VSTM2B: variants seen among roughly 807,000 people sequenced by gnomAD.
VSTM2B encodes V-set and transmembrane domain containing 2B.
VSTM2B carries 24 observed loss-of-function variants against 24.0 expected under a neutral mutation model. The ratio of observed to expected loss-of-function variants is 1.00; its 90% CI spans 0.72 to 1.40. The LOEUF (loss-of-function observed/expected upper bound fraction) is 1.40. Ranked by LOEUF, VSTM2B falls within the 40% of genes most tolerant of loss-of-function variation. The pLI is 0.00. For synonymous variants in VSTM2B, 226 were observed against 194.4 expected (o/e 1.16, Z -1.35); for missense variants, 399 against 416.4 (o/e 0.96, Z 0.36).
chr19:29,547,660 C>T (rs1273590513), intron 4 of VSTM2B, among the ~76,000 whole-genome samples: 10 of 152,052 alleles, frequency 6.6e-5, no homozygotes, highest in Non-Finnish European at 1.3e-4. Flanking sequence ...GAGGAAGGCA[C>T]TTAGGGGGTA....
chr19:29,527,058 G>C (rs1009127182), intron 1 of VSTM2B, 153 bp from the exon 2 acceptor site: 13 of 675,216 alleles, frequency 1.9e-5, no homozygotes, highest in Non-Finnish European at 2.9e-5. Context: ...CCGCTTCCCC[G>C]AACTTTGCTA....
chr19:29,535,273 G>C (rs1216580191), intron 4 of VSTM2B, among the ~76,000 whole-genome samples: 3 of 152,186 alleles, frequency 2.0e-5, no homozygotes, highest in Non-Finnish European at 2.9e-5. Context: ...GTATCTTCCA[G>C]ACTAACACTT....
chr19:29,534,642 G>T (rs1356435783), intron 4 of VSTM2B, among the ~76,000 whole-genome samples: 1 of 151,952 alleles, frequency 6.6e-6, no homozygotes, highest in Non-Finnish European at 1.5e-5. Flanking sequence ...CTTGAACCTG[G>T]GAGGCGGAGT....
Position 29,547,865 on chromosome 19 carries a change from G to T in VSTM2B, c.770-15981G>T, listed in dbSNP as rs192416159. On this transcript the variant is annotated intron_variant, in intron 4 of 4. Coordinates refer to ENST00000335523, the MANE Select transcript of VSTM2B (RefSeq NM_001146339.2). ...TAGGGAACCAGAGCACATGGCTGCA[G>T]CAGGGGAATGGTCAGATTGAAGTGG... Among the ~76,000 whole-genome samples the T allele has an allele frequency of 6.1e-3, 925 of 152,228 alleles. 8 individuals are homozygous for T. Among genetic ancestry groups the T allele is most frequent in the African/African-American group, 0.021 (875 of 41,534 alleles).
chr19:29,559,314 A>G (rs1445441809), intron 4 of VSTM2B, among the ~76,000 whole-genome samples: 1 of 152,248 alleles, frequency 6.6e-6, no homozygotes, highest in Non-Finnish European at 1.5e-5. Flanking sequence ...CTTTGCAGGG[A>G]CATGAATGAA....
chr19:29,526,616 A>T lies in VSTM2B; in HGVS notation c.33A>T (p.Gly11=), dbSNP rs1389638539. Residue 11 remains glycine (G), a synonymous_variant, in exon 1 of 5, where the codon GGA becomes GGT. Transcript: ENST00000335523. This position sits in a 1 kb window ranked among gnomAD's most constrained non-coding sequence, Gnocchi z 4.1. Reference sequence around the variant, plus strand: ...AGCGGAACCGGCTCGGTGCCCTCGGATACCTGCCGCCTCTGCTGCTGCATG... The same window carrying T: ...AGCGGAACCGGCTCGGTGCCCTCGGTTACCTGCCGCCTCTGCTGCTGCATG... MEQRNRLGAL[G]YLPPLLLHAL... is the part of the protein sequence containing the mutation. The T allele has an allele frequency of 5.9e-6, 9 of 1,529,308 alleles. 1 individual carries two copies. Among genetic ancestry groups the T allele is most frequent in the South Asian group, 1.2e-5 (1 of 82,918 alleles). The allele number at this position is 1,529,308 out of a possible 1,614,324, so 94.7% of individuals were successfully genotyped here.
intron 4 of VSTM2B, 92 bp from the exon 5 acceptor site, chr19:29,563,754 C>A: frequency 1.7e-6 from 2 of 1,184,048 alleles, no homozygotes; most frequent in Non-Finnish European, 2.4e-6. Context: ...GTGGCCCCAG[C>A]CTGGGGAAGC....
chr19:29,526,930 C>T lies in VSTM2B; in HGVS notation c.82+265C>T. 1 of 475,210 alleles carries T rather than the reference C, an allele frequency of 2.1e-6. No individual in the cohort carries two copies. Among genetic ancestry groups the T allele is most frequent in the Non-Finnish European group, 3.7e-6 (1 of 273,380 alleles). The allele number at this position is 475,210 out of a possible 1,614,324, so 29.4% of individuals were successfully genotyped here. The stretch of plus-strand genomic sequence containing the variant: ...GGGAGCGGGAGTAGGCGCGCCCCAG[C>T]CAGGCTCTGGCGGTGCGGCCAGGGG... On this transcript the variant is annotated intron_variant, in intron 1 of 4. Transcript: ENST00000335523. This position sits in a 1 kb window ranked among gnomAD's most constrained non-coding sequence, Gnocchi z 4.1.
intron 3 of VSTM2B, chr19:29,528,861 C>T (rs1218630064): frequency 2.1e-6 from 2 of 963,292 alleles, no homozygotes; most frequent in Non-Finnish European, 1.2e-6. Context: ...CTCTGCCCCG[C>T]CCTGAGCATC....
chr19:29,553,131 G>GCAGTAC (rs143529810), intron 4 of VSTM2B, among the ~76,000 whole-genome samples: 13,288 of 152,132 alleles, frequency 0.087, 1,202 homozygotes, highest in African/African-American at 0.23. Context: ...GTTTCATTAA[G>GCAGTAC]CAGATCCCAT....
At chr19:29,555,723 G>A (rs11084012) in intron 4 of VSTM2B, among the ~76,000 whole-genome samples, 6,615 of 152,060 alleles carry the variant, frequency 0.044, 172 homozygotes, top group African/African-American at 0.074. Context: ...TGATAAAGGA[G>A]ATATCACTAC....
intron 4 of VSTM2B, among the ~76,000 whole-genome samples, chr19:29,549,793 T>C (rs370371075): frequency 1.4e-4 from 21 of 152,102 alleles, no homozygotes; most frequent in African/African-American, 4.8e-4. Context: ...AGAAATTCCT[T>C]GTACACTGGC....
At chr19:29,530,411 C>G (rs1969722953) in intron 4 of VSTM2B, 121 bp downstream of exon 4, 1 of 865,892 alleles carries the variant, frequency 1.2e-6, no homozygotes, top group African/African-American at 1.8e-5. Context: ...CATATGCATA[C>G]TCCTTCCTAG....
At chr19:29,556,166 A>G (rs918542938) in intron 4 of VSTM2B, among the ~76,000 whole-genome samples, 1 of 152,168 alleles carries the variant, frequency 6.6e-6, no homozygotes, top group African/African-American at 2.4e-5. Flanking sequence ...AAAATACTCA[A>G]TAAAATACTG....
At chr19:29,557,460 G>A (rs1348294548) in intron 4 of VSTM2B, among the ~76,000 whole-genome samples, 1 of 152,214 alleles carries the variant, frequency 6.6e-6, no homozygotes, top group African/African-American at 2.4e-5. Flanking sequence ...CACTTTGGGA[G>A]ACCAAGGTGG....
At chr19:29,552,864 C>T (rs1367270889) in intron 4 of VSTM2B, among the ~76,000 whole-genome samples, 1 of 152,214 alleles carries the variant, frequency 6.6e-6, no homozygotes, top group Non-Finnish European at 1.5e-5. Flanking sequence ...CAGACTGCCC[C>T]TTTAGGCCTG....
At position 29,557,161 on chromosome 19, in the gene VSTM2B, A is replaced by ATGGTACAAAAAC. The variant is rs550301382; in HGVS notation, c.770-6682_770-6671dup. Among the ~76,000 whole-genome samples the ATGGTACAAAAAC allele has an allele frequency of 8.1e-3, 1,230 of 152,344 alleles. 12 individuals carry two copies. The highest frequency in any genetic ancestry group is 0.028 in the African/African-American group (1,167 of 41,564). On this transcript the variant is annotated intron_variant, in intron 4 of 4. Transcript: ENST00000335523. ...TACAGGGCTACAGTAACCAAACAGC[A>ATGGTACAAAAAC]TGGTACAAAAACTGATACAAAAACA...
At position 29,546,938 on chromosome 19, in the gene VSTM2B, G is replaced by A. The variant is rs1599894457; in HGVS notation, c.769+16648G>A. On this transcript the variant is annotated intron_variant, in intron 4 of 4. Coordinates refer to ENST00000335523, the MANE Select transcript of VSTM2B (RefSeq NM_001146339.2). Reference sequence around the variant, plus strand: ...TTCTCCTTCCCTTGCAAGTAGCCAGGGGCCAGGGTCAGGCTGAGGCATTCA... The same window carrying A: ...TTCTCCTTCCCTTGCAAGTAGCCAGAGGCCAGGGTCAGGCTGAGGCATTCA... Among the ~76,000 whole-genome samples, 4 of 152,312 alleles carry A rather than the reference G, an allele frequency of 2.6e-5. No individual in the cohort carries two copies. The Middle Eastern group carries it at 0.014, about 518-fold the overall frequency.
chr19:29,529,725 GGGGTGCGC>G, intron 3 of VSTM2B, 86 bp from the exon 4 acceptor site: 1 of 1,235,358 alleles, frequency 8.1e-7, no homozygotes, highest in South Asian at 1.3e-5. Context: ...GGGAAGTGTT[GGGGTGCGC>G]GGATGAGGGG....
Sources: gnomAD v4.1 joint callset for allele counts (sites outside exome capture counted in the v4.1 genomes callset) on GRCh38, gnomAD v4.1.1 for gene constraint, Gnocchi (gnomAD v3.1) non-coding constraint, MANE v1.5 for transcripts, NCBI Gene and HGNC (gene_info 2026-07-23, HGNC 2026-07-21) for gene names.